TRHDE: variants seen among roughly 807,000 people sequenced by gnomAD.
TRHDE encodes thyrotropin releasing hormone degrading enzyme.
In TRHDE, 72 loss-of-function variants were observed where a neutral mutation model predicts 125.7. That is an observed-to-expected ratio of 0.57 (90% CI 0.47 to 0.70). TRHDE has a LOEUF of 0.70. TRHDE is among the 30% of genes least tolerant of loss of function. The probability of loss-of-function intolerance (pLI) is 0.00; values close to 1 mark genes in which losing one functional copy is unlikely to be tolerated. For missense variants in TRHDE, 1,110 were observed against 1,327.1 expected, an observed-to-expected ratio of 0.84 and a Z score of 2.54; for synonymous variants, 509 against 509.1, an observed-to-expected ratio of 1.00 and a Z score of 0.00.
chr12:72,437,828 A>G (rs1874813424), intron 3 of TRHDE, among the ~76,000 whole-genome samples: 1 of 151,804 alleles, frequency 6.6e-6, no homozygotes, highest in Non-Finnish European at 1.5e-5. Flanking sequence ...AGAATACAAT[A>G]TATTATTAAC....
chr12:72,630,555 A>G (rs1286410211), intron 15 of TRHDE, among the ~76,000 whole-genome samples: 2 of 151,752 alleles, frequency 1.3e-5, no homozygotes, highest in African/African-American at 4.8e-5. Context: ...ACTAATGCAC[A>G]CACCTTCAGT....
At chr12:72,210,340 A>G (rs1008424131) in intron 2 of TRHDE, among the ~76,000 whole-genome samples, 32 of 152,198 alleles carry the variant, frequency 2.1e-4, no homozygotes, top group African/African-American at 6.7e-4. Flanking sequence ...GATGATCGCC[A>G]TTGTTTCCCT....
intron 2 of TRHDE, among the ~76,000 whole-genome samples, chr12:72,337,140 C>T (rs558140900): frequency 6.6e-6 from 1 of 152,316 alleles, no homozygotes; most frequent in African/African-American, 2.4e-5. Flanking sequence ...CAGTAACATA[C>T]ACGAAGCCCA....
chr12:72,379,012 C>T (rs1196783581), intron 3 of TRHDE, among the ~76,000 whole-genome samples: 1 of 152,202 alleles, frequency 6.6e-6, no homozygotes, highest in African/African-American at 2.4e-5. Context: ...CTCTTCCCTC[C>T]TCTTCCCTTA....
intron 1 of TRHDE, among the ~76,000 whole-genome samples, chr12:72,283,942 G>T (rs1170372550): frequency 6.8e-6 from 1 of 146,676 alleles, no homozygotes; most frequent in African/African-American, 2.5e-5. Context: ...TTTTCAATTA[G>T]ACTGCAAAGG....
At position 72,575,295 on chromosome 12, in the gene TRHDE, G is replaced by T; in HGVS notation, c.2172G>T (p.Leu724=). The T allele has an allele frequency of 1.2e-6, 2 of 1,613,478 alleles. No individual in the cohort carries two copies. Among genetic ancestry groups the T allele is most frequent in the Non-Finnish European group, 8.5e-7 (1 of 1,179,670 alleles). ...CTTATTTGGACAAAGGAAGCTGGCT[G>T]CTGGGGAACATCAATCAAACTGGCT... is the stretch of plus-strand genomic sequence containing the variant. ...RITYLDKGSW[L]LGNINQTGYF... Residue 724 remains leucine, a synonymous_variant, in exon 11 of 19, where the codon CTG becomes CTT. Transcript: ENST00000261180.
At chr12:72,166,397 A>G (rs1437275374) in intron 2 of TRHDE, among the ~76,000 whole-genome samples, 1 of 152,148 alleles carries the variant, frequency 6.6e-6, no homozygotes, top group African/African-American at 2.4e-5. Context: ...GCACACACAT[A>G]TACAATTACC....
At chr12:72,232,047 G>A (rs1878256928) in intron 2 of TRHDE, among the ~76,000 whole-genome samples, 1 of 152,056 alleles carries the variant, frequency 6.6e-6, no homozygotes, top group Non-Finnish European at 1.5e-5. Context: ...TGGGATTTTG[G>A]TTTTATTCAG....
chr12:72,444,541 CTTTAG>C (rs761923336), intron 3 of TRHDE, among the ~76,000 whole-genome samples: 3 of 151,652 alleles, frequency 2.0e-5, no homozygotes, highest in Admixed American at 6.6e-5. Context: ...TCCTGCTAAA[CTTTAG>C]TTTATTATTC....
intron 3 of TRHDE, among the ~76,000 whole-genome samples, chr12:72,414,547 G>A (rs1243829341): frequency 6.6e-6 from 1 of 152,102 alleles, no homozygotes; most frequent in African/African-American, 2.4e-5. Context: ...ATAGAGTAGG[G>A]TAATTGAATA....
chr12:72,635,613 T>C (rs1873707876), intron 15 of TRHDE, among the ~76,000 whole-genome samples: 2 of 152,020 alleles, frequency 1.3e-5, no homozygotes, highest in African/African-American at 4.8e-5. Flanking sequence ...CTAGGTTTTC[T>C]TCTAGGGTTT....
chr12:72,215,146 G>C (rs1877860551), intron 2 of TRHDE, among the ~76,000 whole-genome samples: 1 of 152,052 alleles, frequency 6.6e-6, no homozygotes, highest in African/African-American at 2.4e-5. Context: ...TATAGGATTT[G>C]GGTAGGTAAA....
intron 12 of TRHDE, among the ~76,000 whole-genome samples, chr12:72,595,964 C>G (rs2136053011): frequency 6.6e-6 from 1 of 152,144 alleles, no homozygotes; most frequent in Middle Eastern, 3.4e-3. Context: ...CAGGGATATT[C>G]TCTATTTACC....
intron 2 of TRHDE, among the ~76,000 whole-genome samples, chr12:72,213,738 C>T (rs1325719364): frequency 6.6e-6 from 1 of 152,060 alleles, no homozygotes; most frequent in Non-Finnish European, 1.5e-5. Flanking sequence ...CATGCCATAA[C>T]ATAAAACAAA....
At chr12:72,571,499 T>G (rs1314188719) in intron 10 of TRHDE, among the ~76,000 whole-genome samples, 1 of 152,198 alleles carries the variant, frequency 6.6e-6, no homozygotes, top group Non-Finnish European at 1.5e-5. Context: ...AATATTTAAT[T>G]AATGCCAAGG....
chr12:72,170,262 A>C (rs1311587603), intron 2 of TRHDE, among the ~76,000 whole-genome samples: 1 of 152,200 alleles, frequency 6.6e-6, no homozygotes, highest in African/African-American at 2.4e-5. Flanking sequence ...AATTTCAGTG[A>C]CAGGAGTAGT....
intron 15 of TRHDE, among the ~76,000 whole-genome samples, chr12:72,634,541 T>G (rs1386603842): frequency 6.6e-6 from 1 of 152,098 alleles, no homozygotes; most frequent in Non-Finnish European, 1.5e-5. Flanking sequence ...AGGGTACATG[T>G]GCACAATGTG....
chr12:72,578,593 T>G (rs1246218908), intron 12 of TRHDE, among the ~76,000 whole-genome samples: 1 of 152,218 alleles, frequency 6.6e-6, no homozygotes, highest in Non-Finnish European at 1.5e-5. Flanking sequence ...TCTGGTTTCC[T>G]GATAGTTCTT....
At chr12:72,251,939 T>C (rs1159236343) in intron 2 of TRHDE, among the ~76,000 whole-genome samples, 1 of 152,156 alleles carries the variant, frequency 6.6e-6, no homozygotes, top group African/African-American at 2.4e-5. Context: ...TTGCCATCTG[T>C]ACATCCTCTT....
Sources: allele counts gnomAD v4.1 joint callset (sites outside exome capture counted in the v4.1 genomes callset), GRCh38; gene constraint gnomAD v4.1.1; transcripts MANE v1.5; gene names NCBI Gene and HGNC (gene_info 2026-07-23, HGNC 2026-07-21).